NFASC: variants seen among roughly 807,000 people sequenced by gnomAD.
NFASC encodes the protein neurofascin.
NFASC carries 43 observed loss-of-function variants against 147.5 expected under a neutral mutation model. That is an observed-to-expected ratio of 0.29 (90% confidence interval 0.23 to 0.38). The LOEUF (loss-of-function observed/expected upper bound fraction) is 0.38. Among genes scored for constraint, NFASC ranks in the 10% least tolerant of loss-of-function variants. NFASC has a pLI of 1.00. For synonymous variants in NFASC, 622 were observed against 665.5 expected (o/e 0.93, Z 1.01); for missense variants, 1,320 against 1,689.0 (o/e 0.78, Z 3.83).
chr1:204,835,213 C>CT (rs1001302661), intron 1 of NFASC, among the ~76,000 whole-genome samples: 3,355 of 80,546 alleles, frequency 0.042, 115 homozygotes, highest in Non-Finnish European at 0.047. Context: ...TGAGGTGGGT[C>CT]TTTTTTTTTT....
chr1:205,002,822 CCT>C, intron 27 of NFASC, 74 bp downstream of exon 27: 2 of 1,210,446 alleles, frequency 1.7e-6, no homozygotes, highest in African/African-American at 1.5e-5. Context: ...TTCCTGCTTG[CCT>C]CTCTCCTCGG....
intron 2 of NFASC, among the ~76,000 whole-genome samples, chr1:204,938,115 G>A (rs1444165772): frequency 1.3e-5 from 2 of 152,208 alleles, no homozygotes; most frequent in East Asian, 1.9e-4. Context: ...AGGAGCTCCC[G>A]ATGGCGACAG....
rs1329427767 is a variant in NFASC, at chr1:204,973,370, C to T, written c.1230C>T (p.Thr410=). The part of the protein sequence containing the change: ...ISSRAVYQCN[T]SNEHGYLLAN... ...GCAGGGCTGTGTACCAGTGCAACAC[C>T]TCCAACGAGCATGGCTACCTGCTGG... Residue 410 remains threonine, a synonymous_variant, in exon 12 of 30, where the codon ACC becomes ACT. Coordinates refer to ENST00000339876, the MANE Select transcript of NFASC (RefSeq NM_001005388.3). 11 of 1,614,146 alleles carry T rather than the reference C, an allele frequency of 6.8e-6. No homozygotes were observed. The highest frequency in any genetic ancestry group is 9.3e-6 in the Non-Finnish European group (11 of 1,180,066).
At chr1:204,944,648 G>T in intron 3 of NFASC, 1 of 495,722 alleles carries the variant, frequency 2.0e-6, no homozygotes, top group Admixed American at 3.9e-5. Flanking sequence ...GATGCTTGGG[G>T]TGCCTGGAGC....
At chr1:204,980,995 G>A (rs2095500066) in intron 20 of NFASC, among the ~76,000 whole-genome samples, 1 of 152,268 alleles carries the variant, frequency 6.6e-6, no homozygotes, top group Non-Finnish European at 1.5e-5. Context: ...CAAAACTGGA[G>A]TATGTGGTCT....
At chr1:204,864,208 AT>A (rs2076935159) in intron 1 of NFASC, among the ~76,000 whole-genome samples, 1 of 152,152 alleles carries the variant, frequency 6.6e-6, no homozygotes, top group Non-Finnish European at 1.5e-5. Flanking sequence ...ATTCTTTTTT[AT>A]TGCTGAATAA....
intron 1 of NFASC, among the ~76,000 whole-genome samples, chr1:204,852,089 A>G (rs1404046058): frequency 6.6e-6 from 1 of 152,226 alleles, no homozygotes; most frequent in Non-Finnish European, 1.5e-5. Flanking sequence ...CTAAAATCAG[A>G]GAGCAGCTTT....
intron 1 of NFASC, among the ~76,000 whole-genome samples, chr1:204,877,028 A>ATATAT (rs71147719): frequency 1.2e-5 from 1 of 84,550 alleles, no homozygotes; most frequent in Non-Finnish European, 1.9e-5. Context: ...ATATATATAT[A>ATATAT]ATATATATTT....
At chr1:204,973,015 T>G (rs1298148343) in intron 11 of NFASC, among the ~76,000 whole-genome samples, 2 of 152,212 alleles carry the variant, frequency 1.3e-5, no homozygotes, top group Admixed American at 1.3e-4. Context: ...CAACCACAAC[T>G]GCCCAATGGG....
intron 2 of NFASC, among the ~76,000 whole-genome samples, chr1:204,925,327 C>T (rs565499556): frequency 1.1e-4 from 17 of 152,272 alleles, no homozygotes; most frequent in East Asian, 7.7e-4. Flanking sequence ...GAATAAACCG[C>T]GGAAGACCAT....
chr1:204,861,474 G>A (rs1170212443), intron 1 of NFASC, among the ~76,000 whole-genome samples: 1 of 151,992 alleles, frequency 6.6e-6, no homozygotes, highest in Admixed American at 6.6e-5. Context: ...GGCTTATTGA[G>A]GAACTGCCAG....
chr1:204,979,309 A>G lies in NFASC; in HGVS notation c.1979-53A>G. 1 of 1,402,618 alleles carries G rather than the reference A, an allele frequency of 7.1e-7. No individual in the cohort carries two copies. The highest frequency in any genetic ancestry group is 2.3e-5 in the East Asian group (1 of 43,614). The allele number at this position is 1,402,618 out of a possible 1,614,324, so 86.9% of individuals were successfully genotyped here. On this transcript the variant is annotated intron_variant, in intron 18 of 29. Coordinates refer to ENST00000339876, the MANE Select transcript of NFASC (RefSeq NM_001005388.3). This position sits in a 1 kb window ranked among gnomAD's most constrained non-coding sequence, Gnocchi z 6.0. ...GCCAAGAAGGAAGTGCTTTTAAAGAAGACCACTGCTAACTGAGCTCCCGAA... is the reference window on the plus strand; with the variant it reads ...GCCAAGAAGGAAGTGCTTTTAAAGAGGACCACTGCTAACTGAGCTCCCGAA...
In NFASC at chr1:205,016,478, CAG is replaced by C. The variant is rs2096363385; in HGVS notation, c.3665_3666del (p.Glu1222GlyfsTer54). 2 of 1,614,168 alleles carry C rather than the reference CAG, an allele frequency of 1.2e-6. No homozygotes were observed. The highest frequency in any genetic ancestry group is 1.7e-6 in the Non-Finnish European group (2 of 1,180,044). ...ACGGTCAAAAAGGACAAGGAGGAAA[CAG>C]AGGGCAACGAAAGCTCAGAGGCCAC... On this transcript the variant is annotated frameshift_variant, in exon 30 of 30. Coordinates refer to ENST00000339876, the MANE Select transcript of NFASC (RefSeq NM_001005388.3). LOFTEE classifies it high-confidence loss of function. This position sits in a 1 kb window ranked among gnomAD's most constrained non-coding sequence, Gnocchi z 5.1.
Position 204,934,487 on chromosome 1 carries a change from G to A in NFASC, c.-90-9739G>A, listed in dbSNP as rs138546824. 6.1e-4 allele frequency among the ~76,000 whole-genome samples: 93 copies of A among 152,322 alleles called. 1 individual carries two copies. Among genetic ancestry groups the A allele is most frequent in the Admixed American group, 4.0e-3 (61 of 15,302 alleles). ...TAATTAAAAACCCACAATAAGACTT[G>A]TTTCAGAAAATGTTCAATCAGTAAC... On this transcript the variant is annotated intron_variant, in intron 2 of 29. Coordinates refer to ENST00000339876, the MANE Select transcript of NFASC (RefSeq NM_001005388.3).
intron 1 of NFASC, among the ~76,000 whole-genome samples, chr1:204,833,043 G>A (rs1219398739): frequency 6.6e-6 from 1 of 152,256 alleles, no homozygotes; most frequent in Non-Finnish European, 1.5e-5. Context: ...GTTAATGGCT[G>A]TGCGGGGTGC....
Position 205,016,850 on chromosome 1 carries a change from G to A in NFASC, c.*311G>A. The A allele has an allele frequency of 5.9e-5, 27 of 454,724 alleles. No individual in the cohort carries two copies. Among genetic ancestry groups the A allele is most frequent in the Admixed American group, 2.4e-4 (7 of 29,554 alleles). 28.2% of individuals were successfully genotyped at this position (454,724 alleles called of 1,614,324 possible). ...CGTTCCACCACACTGTCCGCCCTTG[G>A]CCTCGGCACACGCTCACCTTTTCTG... On this transcript the variant is annotated 3_prime_UTR_variant, in exon 30 of 30. Coordinates refer to ENST00000339876, the MANE Select transcript of NFASC (RefSeq NM_001005388.3). The surrounding 1 kb of genome is among the most constrained non-coding windows in gnomAD (Gnocchi z 5.1).
rs565857340 is a variant in NFASC at position 204,885,474 on chromosome 1, C to G, written c.-199-35158C>G. ...CTAAATGGTGAAAGAATTTTCCACC[C>G]TCTTTGCCCTCACTGGACTTTGTGG... On this transcript the variant is annotated intron_variant, in intron 1 of 29. Transcript: ENST00000339876. Among the ~76,000 whole-genome samples, 9 of 152,322 alleles carry G rather than the reference C, an allele frequency of 5.9e-5. No homozygotes were observed. In the South Asian group the frequency reaches 1.9e-3, roughly 32 times the overall value.
At chr1:204,977,067 G>C in intron 16 of NFASC, 1 of 1,234,086 alleles carries the variant, frequency 8.1e-7, no homozygotes, top group South Asian at 3.6e-5. Flanking sequence ...GTGGAGAGGG[G>C]TTTCTCGTTG....
chr1:204,877,069 TA>T (rs1297794942), intron 1 of NFASC, among the ~76,000 whole-genome samples: 2 of 107,774 alleles, frequency 1.9e-5, no homozygotes, highest in Non-Finnish European at 3.3e-5. Context: ...TTTATATATT[TA>T]TATATATATA....
Sources: allele counts gnomAD v4.1 joint callset (sites outside exome capture counted in the v4.1 genomes callset), GRCh38; gene constraint gnomAD v4.1.1; non-coding constraint Gnocchi (gnomAD v3.1); transcripts MANE v1.5; gene names NCBI Gene and HGNC (gene_info 2026-07-23, HGNC 2026-07-21).